The following FMN1 variants were observed in gnomAD, a reference collection of about 807,000 sequenced individuals.
FMN1 encodes formin 1.
A neutral mutation model predicts 132.4 loss-of-function variants in FMN1; 110 were observed. The observed-to-expected ratio is 0.83, with a 90% CI of 0.71 to 0.97. The LOEUF is 0.97. Ranked by LOEUF, FMN1 falls within the 50% of genes least tolerant of loss-of-function variation. The probability of loss-of-function intolerance (pLI) is 0.00; values close to 1 mark genes in which losing one functional copy is unlikely to be tolerated. For missense variants in FMN1, 1,792 were observed against 1,705.3 expected, an observed-to-expected ratio of 1.05 and a Z score of -0.90; for synonymous variants, 722 against 651.7, an observed-to-expected ratio of 1.11 and a Z score of -1.64.
At chr15:33,046,138 T>A (rs891182743) in intron 6 of FMN1, among the ~76,000 whole-genome samples, 1 of 152,154 alleles carries the variant, frequency 6.6e-6, no homozygotes, top group African/African-American at 2.4e-5. Flanking sequence ...TGTGAAAATA[T>A]CAATCTCTAG....
intron 19 of FMN1, among the ~76,000 whole-genome samples, chr15:32,779,252 T>G (rs190558995): frequency 4.6e-5 from 7 of 151,950 alleles, no homozygotes; most frequent in Non-Finnish European, 4.4e-5. Flanking sequence ...AAAACCACTG[T>G]GTAGTGAAGT....
At chr15:32,853,357 A>ATTGGGGTACATC (rs1356096809) in intron 17 of FMN1, among the ~76,000 whole-genome samples, 1 of 152,168 alleles carries the variant, frequency 6.6e-6, no homozygotes, top group Non-Finnish European at 1.5e-5. Context: ...AGCCTCTGAT[A>ATTGGGGTACATC]TTGGGGTACA....
At chr15:33,120,708 T>A (rs940121724) in intron 4 of FMN1, among the ~76,000 whole-genome samples, 1 of 152,192 alleles carries the variant, frequency 6.6e-6, no homozygotes, top group Non-Finnish European at 1.5e-5. Context: ...AGTGACTACA[T>A]ACCCATTTTA....
chr15:33,016,878 T>G (rs1354073784), intron 6 of FMN1, among the ~76,000 whole-genome samples: 1 of 152,202 alleles, frequency 6.6e-6, no homozygotes, highest in Admixed American at 6.5e-5. Flanking sequence ...TACTGTCTGT[T>G]GAACGCCATA....
intron 6 of FMN1, among the ~76,000 whole-genome samples, chr15:33,044,463 C>G (rs142757037): frequency 2.5e-4 from 38 of 152,294 alleles, no homozygotes; most frequent in African/African-American, 8.9e-4. Context: ...CCATAAAATC[C>G]CAGACTCAGC....
rs536871520 is a variant in FMN1, at chr15:33,171,208, C to T, written c.-132+8990G>A. On this transcript the variant is annotated intron_variant, in intron 3 of 20. Coordinates refer to ENST00000616417, the MANE Select transcript of FMN1 (RefSeq NM_001277313.2). Reference sequence around the variant, plus strand: ...AGAGCAGAATTATAGTTTCCAGAGACTGAGAAGGGGATGTGGAGAGAGGGG... The same window carrying T: ...AGAGCAGAATTATAGTTTCCAGAGATTGAGAAGGGGATGTGGAGAGAGGGG... Among the ~76,000 whole-genome samples, 619 of 152,154 alleles carry T rather than the reference C, an allele frequency of 4.1e-3. 2 individuals carry two copies. Among genetic ancestry groups the T allele is most frequent in the African/African-American group, 0.015 (602 of 41,512 alleles).
rs1199224196 is a variant in FMN1 at position 33,193,963 on chromosome 15, G to A, written c.-251C>T. 1.3e-5 allele frequency: 2 copies of A among 152,108 alleles called. No homozygotes were observed. Among genetic ancestry groups the A allele is most frequent in the Non-Finnish European group, 2.9e-5 (2 of 68,052 alleles). The allele number at this position is 152,108 out of a possible 1,614,324, so 9.4% of individuals were successfully genotyped here. On this transcript the variant is annotated 5_prime_UTR_variant, in exon 2 of 21. Transcript: ENST00000616417. The stretch of plus-strand genomic sequence containing the variant: ...CTTGAAGAGCTCTGATGGAGGAACA[G>A]AGATGCTGTGGTGGTAGTGGCCTTG...
chr15:32,983,850 A>G (rs930720309), intron 7 of FMN1, among the ~76,000 whole-genome samples: 3 of 152,224 alleles, frequency 2.0e-5, no homozygotes, highest in Admixed American at 1.3e-4. Flanking sequence ...TTCTCTGTCG[A>G]GGTGAATTCA....
chr15:33,056,806 T>C (rs910877810), intron 6 of FMN1, among the ~76,000 whole-genome samples: 12 of 152,294 alleles, frequency 7.9e-5, no homozygotes, highest in African/African-American at 2.6e-4. Context: ...TGTAGCAACA[T>C]ATATGATTCT....
rs71117113 is a variant in FMN1 at position 33,163,592 on chromosome 15, C to CTGTTTTGTTTTGTTTTGTTTTGTTT, written c.-131-8572_-131-8548dup. Among the ~76,000 whole-genome samples, 169 of 145,038 alleles carry CTGTTTTGTTTTGTTTTGTTTTGTTT rather than the reference C, an allele frequency of 1.2e-3. 2 individuals carry two copies. The highest frequency in any genetic ancestry group is 4.2e-3 in the African/African-American group (160 of 38,072). On this transcript the variant is annotated intron_variant, in intron 3 of 20. Coordinates refer to ENST00000616417, the MANE Select transcript of FMN1 (RefSeq NM_001277313.2). ...TACAGGCGTGAGCTACCATGCCTGG[C>CTGTTTTGTTTTGTTTTGTTTTGTTT]TGTTTTGTTTTGTTTTGTTTTGTTT... is the stretch of plus-strand genomic sequence containing the variant.
At chr15:32,982,797 T>G (rs533952524) in intron 7 of FMN1, among the ~76,000 whole-genome samples, 3 of 152,216 alleles carry the variant, frequency 2.0e-5, no homozygotes, top group East Asian at 3.9e-4. Context: ...TTCTTGGGTC[T>G]TGAGTCTGCC....
chr15:33,028,299 T>C (rs1270721653), intron 6 of FMN1, among the ~76,000 whole-genome samples: 2 of 152,166 alleles, frequency 1.3e-5, no homozygotes, highest in African/African-American at 2.4e-5. Context: ...GTGACACGTG[T>C]ATATAGATTA....
At chr15:32,818,036 T>C (rs2058104487) in intron 17 of FMN1, among the ~76,000 whole-genome samples, 1 of 152,166 alleles carries the variant, frequency 6.6e-6, no homozygotes, top group Non-Finnish European at 1.5e-5. Flanking sequence ...AAGATATAAA[T>C]AAGAAAATAA....
chr15:33,075,661 GTTAT>G (rs2038179993), intron 5 of FMN1, among the ~76,000 whole-genome samples: 1 of 151,878 alleles, frequency 6.6e-6, no homozygotes, highest in Non-Finnish European at 1.5e-5. Context: ...AACCAACTCA[GTTAT>G]TTGAGAGAAA....
intron 6 of FMN1, among the ~76,000 whole-genome samples, chr15:33,041,456 C>T (rs960097670): frequency 3.5e-5 from 4 of 115,396 alleles, no homozygotes; most frequent in Non-Finnish European, 5.2e-5. Context: ...TTTCTTTCGA[C>T]GTTCCTCACC....
chr15:33,018,846 A>C (rs2035239182), intron 6 of FMN1, among the ~76,000 whole-genome samples: 1 of 151,970 alleles, frequency 6.6e-6, no homozygotes, highest in South Asian at 2.1e-4. Flanking sequence ...TGAGTGTTAC[A>C]GCTCTTAAGG....
At chr15:32,950,022 T>TATATATACACATATATATATACACAC (rs1555503210) in intron 9 of FMN1, among the ~76,000 whole-genome samples, 1 of 3,364 alleles carries the variant, frequency 3.0e-4, no homozygotes, top group South Asian at 0.024. Flanking sequence ...TATACACATA[T>TATATATACACATATATATATACACAC]ATATATATAT....
At chr15:32,998,117 T>C (rs1390880955) in intron 7 of FMN1, among the ~76,000 whole-genome samples, 1 of 152,232 alleles carries the variant, frequency 6.6e-6, no homozygotes, top group African/African-American at 2.4e-5. Flanking sequence ...CATGCTTTAT[T>C]TGAAAATTAT....
chr15:32,784,378 T>G (rs919255545), intron 19 of FMN1, among the ~76,000 whole-genome samples: 1 of 151,878 alleles, frequency 6.6e-6, no homozygotes, highest in Non-Finnish European at 1.5e-5. Flanking sequence ...GTCTGCTTTT[T>G]TTTTTTTAAC....
Sources: gnomAD v4.1 joint callset for allele counts (sites outside exome capture counted in the v4.1 genomes callset) on GRCh38, gnomAD v4.1.1 for gene constraint, MANE v1.5 for transcripts, NCBI Gene and HGNC (gene_info 2026-07-23, HGNC 2026-07-21) for gene names.